The following GPC5 variants were observed in gnomAD, a reference collection of about 807,000 sequenced individuals.
GPC5 encodes the protein glypican 5.
In GPC5, 47 loss-of-function variants were observed where a neutral mutation model predicts 53.9. The ratio of observed to expected loss-of-function variants is 0.87; its 90% CI spans 0.69 to 1.11. The LOEUF (loss-of-function observed/expected upper bound fraction) is 1.11. Among genes scored for constraint, GPC5 ranks in the 50% most tolerant of loss-of-function variants. The probability of loss-of-function intolerance (pLI) is 0.00; values close to 1 mark genes in which losing one functional copy is unlikely to be tolerated. For missense variants in GPC5, 748 were observed against 713.1 expected (o/e 1.05, Z -0.56); for synonymous variants, 286 against 263.3 (o/e 1.09, Z -0.84).
intron 1 of GPC5, among the ~76,000 whole-genome samples, chr13:91,400,399 T>G (rs1876846433): frequency 6.6e-6 from 1 of 152,202 alleles, no homozygotes. Context: ...CCCAGCTATT[T>G]CTTTGTATAC....
chr13:91,656,632 G>A (rs1036277098), intron 2 of GPC5, among the ~76,000 whole-genome samples: 5 of 152,146 alleles, frequency 3.3e-5, no homozygotes, highest in African/African-American at 2.4e-5. Context: ...TCAGTTGTTT[G>A]GTGAAGACCC....
At chr13:92,142,153 A>T (rs1331003) in intron 6 of GPC5, among the ~76,000 whole-genome samples, 20,751 of 152,234 alleles carry the variant, frequency 0.14, 1,619 homozygotes, top group Admixed American at 0.18. Flanking sequence ...CTATGTATCA[A>T]ACCTGCACGT....
chr13:92,717,306 C>T (rs185886994), intron 7 of GPC5, among the ~76,000 whole-genome samples: 20 of 152,240 alleles, frequency 1.3e-4, no homozygotes, highest in African/African-American at 4.8e-4. Flanking sequence ...GAATTGCCAG[C>T]TACAGCCCTT....
intron 7 of GPC5, among the ~76,000 whole-genome samples, chr13:92,522,821 A>T (rs979358939): frequency 6.6e-6 from 1 of 152,228 alleles, no homozygotes; most frequent in South Asian, 2.1e-4. Flanking sequence ...ATCTCAACTT[A>T]TTTGCTAAAT....
chr13:92,546,881 G>A (rs1350256300), intron 7 of GPC5, among the ~76,000 whole-genome samples: 1 of 152,056 alleles, frequency 6.6e-6, no homozygotes, highest in Non-Finnish European at 1.5e-5. Context: ...ACAACTATCT[G>A]ATCTTTCACA....
chr13:92,372,421 C>T (rs1024439529), intron 7 of GPC5, among the ~76,000 whole-genome samples: 7 of 152,090 alleles, frequency 4.6e-5, no homozygotes, highest in Non-Finnish European at 1.0e-4. Context: ...CTTCATCTTC[C>T]AAAAACATTA....
chr13:91,783,208 C>T (rs1442503910), intron 5 of GPC5, among the ~76,000 whole-genome samples: 8 of 151,896 alleles, frequency 5.3e-5, no homozygotes, highest in Middle Eastern at 3.4e-3. Context: ...GAGCTGAGAT[C>T]GCTCCACTGC....
At chr13:92,346,369 C>T (rs936922608) in intron 7 of GPC5, among the ~76,000 whole-genome samples, 2 of 152,136 alleles carry the variant, frequency 1.3e-5, no homozygotes, top group Non-Finnish European at 2.9e-5. Context: ...AGTATCCAGC[C>T]AGCAGCTCTT....
intron 7 of GPC5, among the ~76,000 whole-genome samples, chr13:92,846,165 C>G (rs1183491896): frequency 6.6e-6 from 1 of 152,110 alleles, no homozygotes; most frequent in African/African-American, 2.4e-5. Context: ...CACGTGGCAA[C>G]AGGATAGAGA....
At chr13:91,754,238 G>C (rs748479452) in intron 4 of GPC5, among the ~76,000 whole-genome samples, 1 of 152,112 alleles carries the variant, frequency 6.6e-6, no homozygotes, top group Non-Finnish European at 1.5e-5. Context: ...AGGACTTTAA[G>C]TGAGTAACAT....
At chr13:92,145,182 C>G (rs2041858416) in intron 7 of GPC5, among the ~76,000 whole-genome samples, 193 bp downstream of exon 7, 1 of 150,618 alleles carries the variant, frequency 6.6e-6, no homozygotes, top group South Asian at 2.1e-4. Flanking sequence ...CTAATGACTT[C>G]TAATGAAATG....
intron 7 of GPC5, among the ~76,000 whole-genome samples, chr13:92,151,892 A>G (rs1182022383): frequency 6.6e-6 from 1 of 152,166 alleles, no homozygotes; most frequent in Non-Finnish European, 1.5e-5. Flanking sequence ...TAGAGGAGAC[A>G]GAGAAAGGGC....
At chr13:91,717,799 C>G (rs964627127) in intron 3 of GPC5, among the ~76,000 whole-genome samples, 5 of 152,002 alleles carry the variant, frequency 3.3e-5, no homozygotes, top group Non-Finnish European at 5.9e-5. Context: ...TTGTGATCTG[C>G]CCACCTCGGC....
chr13:91,774,911 C>A (rs927892328), intron 5 of GPC5, among the ~76,000 whole-genome samples: 5 of 152,150 alleles, frequency 3.3e-5, no homozygotes, highest in African/African-American at 1.2e-4. Flanking sequence ...AGCACTACCC[C>A]CAATAAATCT....
intron 7 of GPC5, among the ~76,000 whole-genome samples, chr13:92,828,896 A>G: frequency 6.6e-6 from 1 of 152,132 alleles, no homozygotes; most frequent in East Asian, 1.9e-4. Flanking sequence ...TACAATGCAC[A>G]CTATTCGGGT....
intron 7 of GPC5, among the ~76,000 whole-genome samples, chr13:92,616,262 A>G (rs756510424): frequency 6.6e-6 from 1 of 152,218 alleles, no homozygotes; most frequent in Non-Finnish European, 1.5e-5. Context: ...ATTTTAATAT[A>G]AAAATTTATG....
At chr13:92,561,472 C>T (rs902440480) in intron 7 of GPC5, among the ~76,000 whole-genome samples, 2 of 151,952 alleles carry the variant, frequency 1.3e-5, no homozygotes, top group Non-Finnish European at 2.9e-5. Flanking sequence ...CCCAATAGAA[C>T]CTTTCTCCTG....
At chr13:92,748,511 C>A (rs544892755) in intron 7 of GPC5, among the ~76,000 whole-genome samples, 2 of 151,556 alleles carry the variant, frequency 1.3e-5, no homozygotes, top group Admixed American at 6.6e-5. Flanking sequence ...TTTGTAGAGA[C>A]GGGGTTTCAC....
At chr13:92,678,185 G>A (rs577903175) in intron 7 of GPC5, among the ~76,000 whole-genome samples, 1 of 152,232 alleles carries the variant, frequency 6.6e-6, no homozygotes, top group African/African-American at 2.4e-5. Flanking sequence ...GAATACCATG[G>A]TGAATAACAT....
Sources: allele counts gnomAD v4.1 joint callset (sites outside exome capture counted in the v4.1 genomes callset), GRCh38; gene constraint gnomAD v4.1.1; transcripts MANE v1.5; gene names NCBI Gene and HGNC (gene_info 2026-07-23, HGNC 2026-07-21).